The following RSPH4A variants were observed in gnomAD, a reference collection of about 807,000 sequenced individuals.
The protein encoded by RSPH4A is radial spoke head protein 4 homolog A.
Under a neutral mutation model 71.0 loss-of-function variants are expected in RSPH4A, and 47 were observed. The ratio of observed to expected loss-of-function variants is 0.66; its 90% CI spans 0.52 to 0.84. The LOEUF (loss-of-function observed/expected upper bound fraction) is 0.84, where lower values mean the gene tolerates loss of function less well. Among genes scored for constraint, RSPH4A ranks in the 40% least tolerant of loss-of-function variants. RSPH4A has a pLI of 0.00. For missense variants in RSPH4A, 793 were observed against 855.2 expected (o/e 0.93, Z 0.91); for synonymous variants, 282 against 302.3 (o/e 0.93, Z 0.70).
rs149268378 is a variant in RSPH4A at position 116,630,464 on chromosome 6, C to T, written c.1828C>T (p.Arg610Trp). 299 of 1,606,810 alleles carry T rather than the reference C, an allele frequency of 1.9e-4. No homozygotes were observed. The highest frequency in any genetic ancestry group is 2.4e-4 in the Non-Finnish European group (281 of 1,173,426). ...TCAGAATATACCCCCCTGGACAACACGGTTATCCTCAAATCTCATTCCACA... is the reference window on the plus strand; with the variant it reads ...TCAGAATATACCCCCCTGGACAACATGGTTATCCTCAAATCTCATTCCACA... The part of the protein sequence containing the change: ...EIQNIPPWTT[R>W]LSSNLIPQYA... Residue 610 changes from arginine (R) to tryptophan (W), a missense_variant, in exon 5 of 6, where the codon CGG (arginine) becomes TGG (tryptophan). Physicochemically the swap from Arg to Trp is moderately radical, Grantham distance 101. Transcript: ENST00000229554.
Position 116,631,827 on chromosome 6 carries a change from C to T in RSPH4A, c.1917-380C>T, listed in dbSNP as rs559242050. Among the ~76,000 whole-genome samples, 12 of 152,336 alleles carry T rather than the reference C, an allele frequency of 7.9e-5. 1 individual carries two copies. The South Asian group carries it at 1.2e-3, about 16-fold the overall frequency. ...CATAGGTTTCTAACCACAAGCCCAA[C>T]TCCTTGCCCAACCAGGAGTTTGCAC... On this transcript the variant is annotated intron_variant, in intron 5 of 5. Coordinates refer to ENST00000229554, the MANE Select transcript of RSPH4A (RefSeq NM_001010892.3).
rs1379993014 is a variant in RSPH4A, at chr6:116,627,818, G to A, written c.1111G>A (p.Val371Met). The stretch of plus-strand genomic sequence containing the variant: ...GGAAATGAATTATATTGTAGCTGAA[G>A]TGGAATTTCGTGAGGGGGAAGATGA... ...GLEMNYIVAE[V>M]EFREGEDEEE... Residue 371 changes from valine (V) to methionine (M), a missense_variant, in exon 3 of 6, where the codon GTG becomes ATG. Transcript: ENST00000229554. The A allele has an allele frequency of 3.7e-6, 6 of 1,614,068 alleles. No individual in the cohort carries two copies. The highest frequency in any genetic ancestry group is 5.1e-6 in the Non-Finnish European group (6 of 1,180,040).
rs539294507 is a variant in RSPH4A at position 116,619,241 on chromosome 6, C to A, written c.686+1932C>A. On this transcript the variant is annotated intron_variant, in intron 1 of 5. Coordinates refer to ENST00000229554, the MANE Select transcript of RSPH4A (RefSeq NM_001010892.3). ...AATGCTAATAGACTGAGTGGGGAAG[C>A]CCAGCAAGGCCTAACCAGATTCTTC... Among the ~76,000 whole-genome samples the A allele has an allele frequency of 8.5e-5, 13 of 152,122 alleles. 1 individual carries two copies. The South Asian group carries it at 2.7e-3, about 32-fold the overall frequency.
chr6:116,632,216 A>C lies in RSPH4A; in HGVS notation c.1926A>C (p.Glu642Asp), dbSNP rs1415142483. ...AYAFSNGKKFENFYIGWGHKY... is the reference protein window; with the variant it reads ...AYAFSNGKKFDNFYIGWGHKY... ...TTTTTCTTACTTATAGAAAGTTTGA[A>C]AATTTCTACATAGGCTGGGGTCATA... The change falls in exon 6 of 6, where the codon GAA (glutamate) becomes GAC (aspartate). Residue 642 changes from glutamate (E) to aspartate (D), a missense_variant. Glu to Asp is a conservative substitution (Grantham distance 45). Transcript: ENST00000229554. 6.2e-7 allele frequency: 1 copy of C among 1,608,862 alleles called. No homozygotes were observed.
chr6:116,629,040 A>G (rs1387109971), intron 3 of RSPH4A, among the ~76,000 whole-genome samples: 1 of 152,204 alleles, frequency 6.6e-6, no homozygotes, highest in Non-Finnish European at 1.5e-5. Flanking sequence ...GAGTGGACCC[A>G]GTGCATCCAC....
rs1583353233 is a variant in RSPH4A, at chr6:116,632,190, C to CT, written c.1917-12dup. The stretch of plus-strand genomic sequence containing the variant: ...TATATAATGATCTTTTTTTCTTCTT[C>CT]TTTTTCTTACTTATAGAAAGTTTGA... On this transcript the variant is annotated splice_polypyrimidine_tract_variant and intron_variant, in intron 5 of 5. Transcript: ENST00000229554. 6.4e-7 allele frequency: 1 copy of CT among 1,567,468 alleles called. No individual in the cohort carries two copies. The highest frequency in any genetic ancestry group is 2.3e-4 in the Middle Eastern group (1 of 4,368).
Position 116,617,324 on chromosome 6 carries a change from G to GA in RSPH4A, c.686+21dup, listed in dbSNP as rs752236332. 5 of 1,594,448 alleles carry GA rather than the reference G, an allele frequency of 3.1e-6. No homozygotes were observed. Among genetic ancestry groups the GA allele is most frequent in the Non-Finnish European group, 3.4e-6 (4 of 1,167,996 alleles). On this transcript the variant is annotated intron_variant, in intron 1 of 5. Transcript: ENST00000229554. ...GGCTTTAATCTGTAAGTCTCAGAGG[G>GA]AAAAAAGATAAATGTTTGGCAAAGC...
chr6:116,628,615 AAC>A (rs1395927739), intron 3 of RSPH4A, among the ~76,000 whole-genome samples: 1 of 152,186 alleles, frequency 6.6e-6, no homozygotes, highest in Non-Finnish European at 1.5e-5. Context: ...TTGAAAATAA[AAC>A]ACATTCTTCT....
chr6:116,629,639 G>A lies in RSPH4A; in HGVS notation c.1735G>A (p.Asp579Asn), dbSNP rs762494497. The A allele has an allele frequency of 7.4e-6, 12 of 1,613,128 alleles. No individual in the cohort carries two copies. In the African/African-American group the frequency reaches 8.0e-5, roughly 11 times the overall value. Residue 579 changes from aspartate to asparagine, a missense_variant, in exon 4 of 6, where the codon GAT becomes AAT. Coordinates refer to ENST00000229554, the MANE Select transcript of RSPH4A (RefSeq NM_001010892.3). ...EEEEEDEEKDDSDYIEQEVGL... is the reference protein window; with the variant it reads ...EEEEEDEEKDNSDYIEQEVGL... ...AGAGGAAGAAGATGAAGAAAAAGAC[G>A]ATTCTGACTACATAGAACAGGAAGT... is the stretch of plus-strand genomic sequence containing the variant.
chr6:116,625,134 A>T lies in RSPH4A; in HGVS notation c.921+2132A>T, dbSNP rs139248936. ...GTAGTATATATAAAGGATTTGGCTT[A>T]TAATAGGAACTTAATAATAGCAATT... On this transcript the variant is annotated intron_variant, in intron 2 of 5. Transcript: ENST00000229554. Among the ~76,000 whole-genome samples, 567 of 152,340 alleles carry T rather than the reference A, an allele frequency of 3.7e-3. 4 individuals are homozygous for T. The highest frequency in any genetic ancestry group is 0.013 in the African/African-American group (534 of 41,572).
Position 116,632,697 on chromosome 6 carries a change from G to A in RSPH4A, c.*256G>A, listed in dbSNP as rs1775827705. ...TTGCATAATTGTTCTGAGGGTTATGGATAATGGAATATGTGTTTGTACATT... is the reference window on the plus strand; with the variant it reads ...TTGCATAATTGTTCTGAGGGTTATGAATAATGGAATATGTGTTTGTACATT... On this transcript the variant is annotated 3_prime_UTR_variant, in exon 6 of 6. Coordinates refer to ENST00000229554, the MANE Select transcript of RSPH4A (RefSeq NM_001010892.3). 9.1e-6 allele frequency: 4 copies of A among 439,426 alleles called. No individual in the cohort carries two copies. Among genetic ancestry groups the A allele is most frequent in the South Asian group, 8.6e-5 (4 of 46,266 alleles). The allele number at this position is 439,426 out of a possible 1,614,324, so 27.2% of individuals were successfully genotyped here.
intron 5 of RSPH4A, 115 bp downstream of exon 5, chr6:116,630,667 GTTTTT>G (rs11459167): frequency 3.1e-4 from 79 of 251,238 alleles, no homozygotes; most frequent in East Asian, 5.6e-4. Context: ...TTTTTTTCGT[GTTTTT>G]TTTTTTTTTT....
chr6:116,631,840 C>G (rs1401964124), intron 5 of RSPH4A, among the ~76,000 whole-genome samples: 2 of 152,190 alleles, frequency 1.3e-5, no homozygotes, highest in Admixed American at 1.3e-4. Context: ...CTTGCCCAAC[C>G]AGGAGTTTGC....
intron 1 of RSPH4A, among the ~76,000 whole-genome samples, chr6:116,618,947 G>A (rs1775557182): frequency 1.3e-5 from 2 of 152,148 alleles, no homozygotes; most frequent in Non-Finnish European, 2.9e-5. Context: ...TCCCTCTTTT[G>A]GTTTGACTAA....
At position 116,617,084 on chromosome 6, in the gene RSPH4A, A is replaced by G. The variant is rs1775520006; in HGVS notation, c.461A>G (p.Gln154Arg). Residue 154 changes from glutamine to arginine, a missense_variant, in exon 1 of 6, where the codon CAG becomes CGG. Transcript: ENST00000229554. ...QSEGNTFQQSQQPKPHLCGRR... is the reference protein window; with the variant it reads ...QSEGNTFQQSRQPKPHLCGRR... ...GAAGGAAACACCTTTCAACAGTCTCAGCAACCCAAACCCCACCTGTGTGGA... is the reference window on the plus strand; with the variant it reads ...GAAGGAAACACCTTTCAACAGTCTCGGCAACCCAAACCCCACCTGTGTGGA... 2.5e-6 allele frequency: 4 copies of G among 1,614,168 alleles called. No individual in the cohort carries two copies. Among genetic ancestry groups the G allele is most frequent in the Non-Finnish European group, 3.4e-6 (4 of 1,179,966 alleles).
intron 2 of RSPH4A, among the ~76,000 whole-genome samples, chr6:116,625,762 T>C (rs1462923544): frequency 6.6e-6 from 1 of 152,142 alleles, no homozygotes; most frequent in East Asian, 1.9e-4. Flanking sequence ...GACCGAACTT[T>C]CTGGTGTGAG....
chr6:116,627,720 T>A lies in RSPH4A; in HGVS notation c.1013T>A (p.Phe338Tyr). The change falls in exon 3 of 6, where the codon TTT becomes TAT. Residue 338 changes from phenylalanine to tyrosine, a missense_variant. Transcript: ENST00000229554. ...GLGTDETYRI[F>Y]LALKQLTDTH... ...GGCACAGATGAGACATACCGCATAT[T>A]TCTTGCCCTCAAGCAGCTTACTGAT... 1.2e-6 allele frequency: 2 copies of A among 1,614,202 alleles called. No homozygotes were observed. The highest frequency in any genetic ancestry group is 1.1e-5 in the South Asian group (1 of 91,090).
rs13213314 is a variant in RSPH4A, at chr6:116,617,069, C to G, written c.446C>G (p.Thr149Ser). The change falls in exon 1 of 6, where the codon ACC becomes AGC. Residue 149 changes from threonine (T) to serine (S), a missense_variant. Physicochemically the swap from Thr to Ser is moderately conservative, Grantham distance 58. Coordinates refer to ENST00000229554, the MANE Select transcript of RSPH4A (RefSeq NM_001010892.3). ...PHHTSQSEGN[T>S]FQQSQQPKPH... ...CACACAAGCCAGTCAGAAGGAAACA[C>G]CTTTCAACAGTCTCAGCAACCCAAA... 0.1 allele frequency: 169,313 copies of G among 1,614,118 alleles called. 10,134 individuals are homozygous for G. The highest frequency in any genetic ancestry group is 0.12 in the Non-Finnish European group (146,814 of 1,179,964).
Position 116,632,346 on chromosome 6 carries a change from G to A in RSPH4A, c.2056G>A (p.Glu686Lys), listed in dbSNP as rs758769598. Residue 686 changes from glutamate to lysine, a missense_variant, in exon 6 of 6, where the codon GAG (glutamate) becomes AAG (lysine). Transcript: ENST00000229554. ...TEMDDPSVEE[E>K]QAFRAAQEAV... is the part of the protein sequence containing the mutation. Reference sequence around the variant, plus strand: ...AATGGATGATCCTAGTGTGGAGGAGGAGCAGGCTTTCAGGGCTGCACAAGA... The same window carrying A: ...AATGGATGATCCTAGTGTGGAGGAGAAGCAGGCTTTCAGGGCTGCACAAGA... 1.9e-6 allele frequency: 3 copies of A among 1,614,086 alleles called. No individual in the cohort carries two copies. The South Asian group carries it at 3.3e-5, about 18-fold the overall frequency.
Sources: gnomAD v4.1 joint callset for allele counts (sites outside exome capture counted in the v4.1 genomes callset) on GRCh38, gnomAD v4.1.1 for gene constraint, MANE v1.5 for transcripts, NCBI Gene and HGNC (gene_info 2026-07-23, HGNC 2026-07-21) for gene names.